Variants in CCSER1 observed in about 807,000 individuals in gnomAD.
CCSER1 encodes the protein coiled-coil serine rich protein 1.
A neutral mutation model predicts 82.0 loss-of-function variants in CCSER1; 41 were observed. The observed-to-expected ratio is 0.50, with a 90% confidence interval of 0.39 to 0.65. The LOEUF is 0.65. Among genes scored for constraint, CCSER1 ranks in the 30% least tolerant of loss-of-function variants. The probability of loss-of-function intolerance (pLI) is 0.00; values close to 1 mark genes in which losing one functional copy is unlikely to be tolerated. For synonymous variants in CCSER1, 414 were observed against 383.9 expected (o/e 1.08, Z -0.92); for missense variants, 1,119 against 1,064.2 (o/e 1.05, Z -0.72).
chr4:91,176,107 AC>A (rs1733315436), intron 10 of CCSER1, among the ~76,000 whole-genome samples: 1 of 152,118 alleles, frequency 6.6e-6, no homozygotes, highest in Non-Finnish European at 1.5e-5. Flanking sequence ...CTGATTTTTG[AC>A]AGGTTTGTCA....
At chr4:91,380,640 C>A (rs1750813762) in intron 10 of CCSER1, among the ~76,000 whole-genome samples, 1 of 152,092 alleles carries the variant, frequency 6.6e-6, no homozygotes, top group South Asian at 2.1e-4. Flanking sequence ...CTTTGTGTGT[C>A]TCTGCATGTG....
At chr4:91,495,578 C>CT (rs2110079020) in intron 10 of CCSER1, among the ~76,000 whole-genome samples, 1 of 151,220 alleles carries the variant, frequency 6.6e-6, no homozygotes, top group East Asian at 1.9e-4. Flanking sequence ...TATAAATATT[C>CT]TTTTTTTGGT....
At chr4:90,757,409 T>C (rs1034802162) in intron 7 of CCSER1, among the ~76,000 whole-genome samples, 3 of 152,234 alleles carry the variant, frequency 2.0e-5, no homozygotes, top group African/African-American at 7.2e-5. Flanking sequence ...CTATTATATC[T>C]CTCAATCTTC....
chr4:91,397,544 T>G lies in CCSER1; in HGVS notation c.2218-201028T>G, dbSNP rs186249567. 1.9e-4 allele frequency among the ~76,000 whole-genome samples: 29 copies of G among 152,166 alleles called. No individual in the cohort carries two copies. The East Asian group carries it at 3.1e-3, about 16-fold the overall frequency. ...AGCACTGGATTAATTATATACTTAT[T>G]TGTCTAGTTATCTAGTTATTCACTG... On this transcript the variant is annotated intron_variant, in intron 10 of 10. Coordinates refer to ENST00000509176, the MANE Select transcript of CCSER1 (RefSeq NM_001145065.2).
intron 10 of CCSER1, among the ~76,000 whole-genome samples, chr4:91,563,104 C>T (rs987479069): frequency 1.3e-5 from 2 of 151,590 alleles, no homozygotes; most frequent in Non-Finnish European, 1.5e-5. Flanking sequence ...TTCTACCAAA[C>T]ATTTATGCCA....
At chr4:90,254,183 A>G (rs970267422) in intron 1 of CCSER1, among the ~76,000 whole-genome samples, 5 of 152,110 alleles carry the variant, frequency 3.3e-5, no homozygotes, top group African/African-American at 4.8e-5. Context: ...GTGTCCCAAG[A>G]CTTGAACTTC....
Position 91,232,944 on chromosome 4 carries a change from A to G in CCSER1, c.2217+146950A>G, listed in dbSNP as rs112916375. 6.8e-3 allele frequency among the ~76,000 whole-genome samples: 1,026 copies of G among 151,960 alleles called. 11 individuals are homozygous for G. The highest frequency in any genetic ancestry group is 0.023 in the African/African-American group (971 of 41,536). ...AAAATGTAGACATATACATGGGTAG[A>G]TATGTATAAAAGCTTCAAGAAGGGT... On this transcript the variant is annotated intron_variant, in intron 10 of 10. Transcript: ENST00000509176.
At chr4:90,670,857 A>C (rs1732670172) in intron 6 of CCSER1, among the ~76,000 whole-genome samples, 2 of 152,036 alleles carry the variant, frequency 1.3e-5, no homozygotes, top group Non-Finnish European at 2.9e-5. Context: ...CTCTGGGGGC[A>C]AGAGTCAAGT....
intron 10 of CCSER1, among the ~76,000 whole-genome samples, chr4:91,316,267 G>A (rs913081997): frequency 6.6e-6 from 1 of 151,850 alleles, no homozygotes; most frequent in African/African-American, 2.4e-5. Context: ...TTATATTTTA[G>A]GTTTATGAGG....
rs3042345 is a variant in CCSER1 at position 90,807,651 on chromosome 4, C to CA, written c.2011-8098dup. ...AAGAACTCAGTCTCATTTACATTTGCAAAAAAAAAAAAACTTATGAATATA... is the reference window on the plus strand; with the variant it reads ...AAGAACTCAGTCTCATTTACATTTGCAAAAAAAAAAAAAACTTATGAATATA... On this transcript the variant is annotated intron_variant, in intron 7 of 10. Transcript: ENST00000509176. Among the ~76,000 whole-genome samples the CA allele has an allele frequency of 4.7e-3, 656 of 139,774 alleles. 1 individual carries two copies. Among genetic ancestry groups the CA allele is most frequent in the African/African-American group, 0.014 (532 of 38,212 alleles). 91.7% of individuals were successfully genotyped at this position (139,774 alleles called of 152,430 possible).
intron 10 of CCSER1, among the ~76,000 whole-genome samples, chr4:91,308,599 C>T (rs1406153590): frequency 3.0e-5 from 2 of 66,738 alleles, no homozygotes; most frequent in East Asian, 8.3e-4. Context: ...TTGCTCAGTG[C>T]ATTCTCAGTT....
intron 9 of CCSER1, among the ~76,000 whole-genome samples, chr4:90,932,991 A>AG (rs1730269082): frequency 2.6e-5 from 1 of 38,950 alleles, no homozygotes; most frequent in Non-Finnish European, 5.0e-5. Flanking sequence ...AGAGAAAGAA[A>AG]GAAAGAAAGA....
chr4:90,463,573 C>T (rs574166269), intron 4 of CCSER1, among the ~76,000 whole-genome samples: 125 of 152,100 alleles, frequency 8.2e-4, no homozygotes, highest in Non-Finnish European at 1.5e-4. Context: ...GCTTTATCAG[C>T]GGGTTGTTAT....
chr4:90,835,224 A>G (rs754421293), intron 8 of CCSER1, among the ~76,000 whole-genome samples: 62 of 152,072 alleles, frequency 4.1e-4, no homozygotes, highest in Non-Finnish European at 7.8e-4. Flanking sequence ...CCAGCTACTC[A>G]GGAGGCTGAG....
At chr4:91,415,719 T>G (rs183069656) in intron 10 of CCSER1, among the ~76,000 whole-genome samples, 7 of 152,290 alleles carry the variant, frequency 4.6e-5, no homozygotes, top group Non-Finnish European at 7.4e-5. Context: ...ATTTATTGCT[T>G]TGCATATGTT....
At chr4:91,554,956 A>C (rs1184960251) in intron 10 of CCSER1, among the ~76,000 whole-genome samples, 1 of 151,366 alleles carries the variant, frequency 6.6e-6, no homozygotes, top group Non-Finnish European at 1.5e-5. Context: ...TCTTCAATAA[A>C]TGTTTTGGGG....
At chr4:90,763,231 A>G (rs1352407413) in intron 7 of CCSER1, among the ~76,000 whole-genome samples, 1 of 152,002 alleles carries the variant, frequency 6.6e-6, no homozygotes, top group African/African-American at 2.4e-5. Context: ...AAAGGGGCTT[A>G]GTTCCACCTA....
intron 7 of CCSER1, among the ~76,000 whole-genome samples, chr4:90,797,822 G>C (rs1756250594): frequency 6.6e-6 from 1 of 152,134 alleles, no homozygotes; most frequent in Non-Finnish European, 1.5e-5. Context: ...TGGCTCATAG[G>C]GTTTCTGCTG....
At chr4:91,245,511 G>A (rs1200434779) in intron 10 of CCSER1, among the ~76,000 whole-genome samples, 1 of 151,976 alleles carries the variant, frequency 6.6e-6, no homozygotes, top group African/African-American at 2.4e-5. Context: ...ATTGCTGAAG[G>A]AAAAAACTGT....
Sources: gnomAD v4.1 joint callset for allele counts (sites outside exome capture counted in the v4.1 genomes callset) on GRCh38, gnomAD v4.1.1 for gene constraint, MANE v1.5 for transcripts, NCBI Gene and HGNC (gene_info 2026-07-23, HGNC 2026-07-21) for gene names.